Variants in SLC17A9 observed in about 807,000 individuals in gnomAD.
The protein encoded by SLC17A9 is solute carrier family 17 member 9.
SLC17A9 carries 49 observed loss-of-function variants against 55.0 expected under a neutral mutation model. The observed-to-expected ratio is 0.89, with a 90% CI of 0.71 to 1.13. The LOEUF is 1.13. Ranked by LOEUF, SLC17A9 falls within the 50% of genes most tolerant of loss-of-function variation. The pLI, the probability that SLC17A9 is intolerant of heterozygous loss-of-function variation, is 0.00. For missense variants in SLC17A9, 526 were observed against 569.3 expected, an observed-to-expected ratio of 0.92 and a Z score of 0.77; for synonymous variants, 256 against 247.4, an observed-to-expected ratio of 1.03 and a Z score of -0.32.
rs748019297 is a variant in SLC17A9 at position 62,963,329 on chromosome 20, AGAGTCCCCTGGAGAC to A, written c.687_701del (p.Val230_Arg234del). ...AAGCCGGCCGGTGTCCAGGCACAACAGAGTCCCCTGGAGACGGCTCTTCCGGAAGCCTGCTGTCTG... is the reference window on the plus strand; with the variant it reads ...AAGCCGGCCGGTGTCCAGGCACAACAGGCTCTTCCGGAAGCCTGCTGTCTG... On this transcript the variant is annotated inframe_deletion, in exon 6 of 13. Coordinates refer to ENST00000370351, the MANE Select transcript of SLC17A9 (RefSeq NM_022082.4). 7 of 1,613,806 alleles carry A rather than the reference AGAGTCCCCTGGAGAC, an allele frequency of 4.3e-6. No homozygotes were observed. The highest frequency in any genetic ancestry group is 5.9e-6 in the Non-Finnish European group (7 of 1,180,022).
chr20:62,962,588 C>T lies in SLC17A9; in HGVS notation c.498-36C>T. ...GCCCCTCCTCACCCGAGGGGTGCCG[C>T]TGAGGGGCCTGGCCACACTCCCCCT... On this transcript the variant is annotated intron_variant, in intron 4 of 12. Transcript: ENST00000370351. The surrounding 1 kb of genome is among the most constrained non-coding windows in gnomAD (Gnocchi z 5.5). 6.2e-7 allele frequency: 1 copy of T among 1,610,352 alleles called. No individual in the cohort carries two copies. The highest frequency in any genetic ancestry group is 8.5e-7 in the Non-Finnish European group (1 of 1,177,860).
intron 12 of SLC17A9, 82 bp from the exon 13 acceptor site, chr20:62,967,255 G>T (rs2065649044): frequency 1.3e-6 from 2 of 1,542,368 alleles, no homozygotes; most frequent in Non-Finnish European, 8.9e-7. Flanking sequence ...CCCTTCCCCT[G>T]GCACTACCTT....
In SLC17A9 at chr20:62,967,566, G is replaced by A. The variant is rs1601101935; in HGVS notation, c.*66G>A. 15 of 1,549,902 alleles carry A rather than the reference G, an allele frequency of 9.7e-6. No individual in the cohort carries two copies. The East Asian group carries it at 3.4e-4, about 35-fold the overall frequency. On this transcript the variant is annotated 3_prime_UTR_variant, in exon 13 of 13. Coordinates refer to ENST00000370351, the MANE Select transcript of SLC17A9 (RefSeq NM_022082.4). ...AGCCCCAGGACACAGGGGACTCAGT[G>A]TGTGGGACTTGGTCACTCCATGTCA...
At chr20:62,966,625 C>T (rs553340506) in intron 11 of SLC17A9, 45 bp downstream of exon 11, 61 of 1,613,706 alleles carry the variant, frequency 3.8e-5, no homozygotes, top group South Asian at 2.6e-4. Context: ...CCTGGGCCTC[C>T]GGGTGGGTGA....
intron 3 of SLC17A9, among the ~76,000 whole-genome samples, chr20:62,957,859 G>A (rs1275825593): frequency 3.4e-5 from 4 of 118,306 alleles, no homozygotes; most frequent in South Asian, 3.5e-4. Flanking sequence ...GTGCGTGTGC[G>A]TGTGCAAGTG....
chr20:62,952,845 A>G lies in SLC17A9; in HGVS notation c.15A>G (p.Pro5=), dbSNP rs1318183997. Residue 5 remains proline, a synonymous_variant, in exon 1 of 13, where the codon CCA becomes CCG. Transcript: ENST00000370351. MQPP[P]DEARRDMAGD... is the part of the protein sequence containing the mutation. ...CCCCAAGCCCGATGCAGCCACCCCCAGACGAGGCCCGCAGGGACATGGCCG... is the reference window on the plus strand; with the variant it reads ...CCCCAAGCCCGATGCAGCCACCCCCGGACGAGGCCCGCAGGGACATGGCCG... The G allele has an allele frequency of 3.5e-6, 5 of 1,447,600 alleles. No individual in the cohort carries two copies. Among genetic ancestry groups the G allele is most frequent in the Non-Finnish European group, 4.6e-6 (5 of 1,092,276 alleles). The allele number at this position is 1,447,600 out of a possible 1,614,324, so 89.7% of individuals were successfully genotyped here. A position where few individuals can be genotyped will look rare whatever the true frequency, so the allele number is the denominator to read the frequency against.
chr20:62,962,364 A>G lies in SLC17A9; in HGVS notation c.498-260A>G. 2.9e-6 allele frequency: 1 copy of G among 345,710 alleles called. No homozygotes were observed. The highest frequency in any genetic ancestry group is 3.6e-5 in the South Asian group (1 of 27,832). 21.4% of individuals were successfully genotyped at this position (345,710 alleles called of 1,614,324 possible). ...AGATGTGAAAAACAATGTGAGTTCC[A>G]CAGCAGCCGCCCGACTGGGACACAT... On this transcript the variant is annotated intron_variant, in intron 4 of 12. Transcript: ENST00000370351. The surrounding 1 kb of genome is among the most constrained non-coding windows in gnomAD (Gnocchi z 5.5).
At chr20:62,960,135 G>A (rs1331867798) in intron 3 of SLC17A9, among the ~76,000 whole-genome samples, 1 of 152,266 alleles carries the variant, frequency 6.6e-6, no homozygotes, top group Non-Finnish European at 1.5e-5. Context: ...GCCAAGAAGT[G>A]TGCCGGTGAA....
intron 8 of SLC17A9, 101 bp downstream of exon 8, chr20:62,964,416 C>A: frequency 3.3e-6 from 4 of 1,195,558 alleles, no homozygotes; most frequent in Non-Finnish European, 5.0e-6. Context: ...CTTCAGCACA[C>A]GGAGAGCTGG....
At position 62,963,712 on chromosome 20, in the gene SLC17A9, C is replaced by A. The variant is rs368012310; in HGVS notation, c.822+32C>A. 63 of 1,549,984 alleles carry A rather than the reference C, an allele frequency of 4.1e-5. No individual in the cohort carries two copies. In the East Asian group the frequency reaches 9.3e-4, roughly 23 times the overall value. ...CGGGGGCTCCCGCAGGGTGAAGGAG[C>A]GCCCAGAAGGCACGAGGCTTGAGCT... On this transcript the variant is annotated intron_variant, in intron 7 of 12. Coordinates refer to ENST00000370351, the MANE Select transcript of SLC17A9 (RefSeq NM_022082.4).
intron 8 of SLC17A9, chr20:62,964,912 C>T: frequency 1.8e-6 from 1 of 568,162 alleles, no homozygotes; most frequent in East Asian, 2.9e-5. Context: ...TCTGCCCAAA[C>T]CCACGCCTTG....
rs1397065803 is a variant in SLC17A9 at position 62,962,815 on chromosome 20, G to C, written c.628+61G>C. On this transcript the variant is annotated intron_variant, in intron 5 of 12. Transcript: ENST00000370351. The surrounding 1 kb of genome is among the most constrained non-coding windows in gnomAD (Gnocchi z 5.5). ...ACAGCTGCCCAGTGCCTCCTCCCCT[G>C]GTGGCAGCCGCTGAGCAGCCTGGAG... 2.5e-6 allele frequency: 4 copies of C among 1,596,614 alleles called. No homozygotes were observed. Among genetic ancestry groups the C allele is most frequent in the Non-Finnish European group, 1.7e-6 (2 of 1,170,632 alleles).
At chr20:62,959,273 G>A (rs1306489325) in intron 3 of SLC17A9, among the ~76,000 whole-genome samples, 3 of 152,220 alleles carry the variant, frequency 2.0e-5, no homozygotes, top group Admixed American at 6.5e-5. Flanking sequence ...GACCCAGCAG[G>A]CAGCCAGACC....
chr20:62,961,756 C>T (rs1361363229), intron 4 of SLC17A9, among the ~76,000 whole-genome samples: 1 of 152,326 alleles, frequency 6.6e-6, no homozygotes, highest in East Asian at 1.9e-4. Context: ...AGAATGAATC[C>T]TCACTTCTCC....
chr20:62,966,891 C>G (rs2065645810), intron 12 of SLC17A9, 159 bp downstream of exon 12: 3 of 897,572 alleles, frequency 3.3e-6, no homozygotes, highest in South Asian at 1.8e-5. Context: ...GATGGGGCTG[C>G]CTTCCAGGTT....
chr20:62,958,052 C>T lies in SLC17A9; in HGVS notation c.397+472C>T, dbSNP rs550612175. Among the ~76,000 whole-genome samples, 44 of 152,192 alleles carry T rather than the reference C, an allele frequency of 2.9e-4. No homozygotes were observed. The highest frequency in any genetic ancestry group is 5.0e-4 in the Non-Finnish European group (34 of 67,964). The stretch of plus-strand genomic sequence containing the variant: ...CTTGTGCGTGCAGGTGGTATGCATG[C>T]GTGTGCATGCCTGTATGCATGTGTA... On this transcript the variant is annotated intron_variant, in intron 3 of 12. Transcript: ENST00000370351. This position sits in a 1 kb window ranked among gnomAD's most constrained non-coding sequence, Gnocchi z 4.1.
In SLC17A9 at chr20:62,965,184, G is replaced by T. The variant is rs1156398412; in HGVS notation, c.945+18G>T. The T allele has an allele frequency of 6.2e-7, 1 of 1,614,012 alleles. No individual in the cohort carries two copies. The highest frequency in any genetic ancestry group is 1.3e-5 in the African/African-American group (1 of 74,950). ...TCATGCAGGTAGGAGAATCATTCCG[G>T]TCGTTCTCTCTGGATATCCCTGCTT... On this transcript the variant is annotated intron_variant, in intron 9 of 12. Coordinates refer to ENST00000370351, the MANE Select transcript of SLC17A9 (RefSeq NM_022082.4).
At position 62,962,566 on chromosome 20, in the gene SLC17A9, C is replaced by T; in HGVS notation, c.498-58C>T. ...ACCAGGGTGGGGTTTCTGAGAGGCC[C>T]CTCCTCACCCGAGGGGTGCCGCTGA... On this transcript the variant is annotated intron_variant, in intron 4 of 12. Coordinates refer to ENST00000370351, the MANE Select transcript of SLC17A9 (RefSeq NM_022082.4). The surrounding 1 kb of genome is among the most constrained non-coding windows in gnomAD (Gnocchi z 5.5). 2 of 1,585,958 alleles carry T rather than the reference C, an allele frequency of 1.3e-6. No homozygotes were observed. The highest frequency in any genetic ancestry group is 1.7e-6 in the Non-Finnish European group (2 of 1,167,064).
rs142390898 is a variant in SLC17A9 at position 62,964,367 on chromosome 20, G to A, written c.910+52G>A. ...TGGAAGCCACACCCTGGTTCACCTC[G>A]CTTTCGAGGGGCAGGATGCTCCCAT... On this transcript the variant is annotated intron_variant, in intron 8 of 12. Coordinates refer to ENST00000370351, the MANE Select transcript of SLC17A9 (RefSeq NM_022082.4). 5.7e-5 allele frequency: 90 copies of A among 1,570,552 alleles called. No homozygotes were observed. In the East Asian group the frequency reaches 6.3e-4, roughly 11 times the overall value.
Sources: allele counts gnomAD v4.1 joint callset (sites outside exome capture counted in the v4.1 genomes callset), GRCh38; gene constraint gnomAD v4.1.1; non-coding constraint Gnocchi (gnomAD v3.1); transcripts MANE v1.5; gene names NCBI Gene and HGNC (gene_info 2026-07-23, HGNC 2026-07-21).